Variants in TAFA2 observed in about 807,000 individuals in gnomAD.
TAFA2 encodes the protein chemokine-like protein TAFA-2.
A neutral mutation model predicts 18.8 loss-of-function variants in TAFA2; 7 were observed. That is an observed-to-expected ratio of 0.37 (90% CI 0.21 to 0.70). TAFA2 has a LOEUF of 0.70. Ranked by LOEUF, TAFA2 falls within the 30% of genes least tolerant of loss-of-function variation. The pLI is 0.53. For missense variants in TAFA2, 122 were observed against 158.1 expected (o/e 0.77, Z 1.23); for synonymous variants, 60 against 54.2 (o/e 1.11, Z -0.47).
intron 1 of TAFA2, among the ~76,000 whole-genome samples, chr12:61,969,696 G>A (rs992685213): frequency 6.6e-6 from 1 of 151,520 alleles, no homozygotes; most frequent in East Asian, 1.9e-4. Context: ...TTTTTTTAAA[G>A]TACAAAAATA....
chr12:62,070,152 T>C (rs1168727550), intron 1 of TAFA2, among the ~76,000 whole-genome samples: 1 of 152,206 alleles, frequency 6.6e-6, no homozygotes, highest in Non-Finnish European at 1.5e-5. Context: ...TTGGGGAATT[T>C]GAGGTTAAAA....
chr12:61,888,826 G>A (rs1484703690), intron 1 of TAFA2, among the ~76,000 whole-genome samples: 1 of 152,140 alleles, frequency 6.6e-6, no homozygotes, highest in Non-Finnish European at 1.5e-5. Flanking sequence ...TCCCAGAAAT[G>A]AATACCTGAG....
chr12:61,941,290 A>G (rs1877998490), intron 1 of TAFA2, among the ~76,000 whole-genome samples: 1 of 152,258 alleles, frequency 6.6e-6, no homozygotes, highest in South Asian at 2.1e-4. Context: ...ATATATCATT[A>G]GAATTAATCT....
At chr12:61,872,984 A>G (rs1349976557) in intron 1 of TAFA2, among the ~76,000 whole-genome samples, 1 of 152,182 alleles carries the variant, frequency 6.6e-6, no homozygotes, top group East Asian at 1.9e-4. Flanking sequence ...TCTTCCCATT[A>G]AAATGTAATT....
At chr12:62,036,525 C>A in intron 1 of TAFA2, among the ~76,000 whole-genome samples, 1 of 152,276 alleles carries the variant, frequency 6.6e-6, no homozygotes, top group South Asian at 2.1e-4. Flanking sequence ...TGAAGTTAGA[C>A]TTTAGGGCTT....
chr12:61,963,752 A>G (rs1243465393), intron 1 of TAFA2, among the ~76,000 whole-genome samples: 2 of 152,060 alleles, frequency 1.3e-5, no homozygotes, highest in Non-Finnish European at 2.9e-5. Flanking sequence ...TGAAACCAAA[A>G]GAGAGCCCCT....
At chr12:61,819,998 G>T (rs574947106) in intron 2 of TAFA2, among the ~76,000 whole-genome samples, 1 of 151,956 alleles carries the variant, frequency 6.6e-6, no homozygotes, top group African/African-American at 2.4e-5. Flanking sequence ...TTTGTTAAAC[G>T]TTTAGCTGAT....
chr12:61,827,943 C>T (rs1325189954), intron 2 of TAFA2, among the ~76,000 whole-genome samples: 1 of 151,838 alleles, frequency 6.6e-6, no homozygotes, highest in African/African-American at 2.4e-5. Flanking sequence ...AAAAGATGAT[C>T]CATTTCATCT....
intron 1 of TAFA2, among the ~76,000 whole-genome samples, chr12:61,981,895 A>G (rs1020786411): frequency 1.3e-5 from 2 of 152,154 alleles, no homozygotes; most frequent in African/African-American, 4.8e-5. Flanking sequence ...TTCCTCAAGG[A>G]TCTAGAACCA....
intron 1 of TAFA2, among the ~76,000 whole-genome samples, chr12:62,010,657 C>T (rs1156398284): frequency 7.2e-6 from 1 of 138,230 alleles, no homozygotes; most frequent in East Asian, 2.3e-4. Context: ...GCCGCCCTTA[C>T]TCTGGGAGGT....
chr12:62,248,641 A>G (rs2062897863), intron 1 of TAFA2, among the ~76,000 whole-genome samples: 1 of 152,196 alleles, frequency 6.6e-6, no homozygotes, highest in Non-Finnish European at 1.5e-5. Context: ...TCTAGAGCTT[A>G]TTCATCTTGC....
chr12:61,980,672 C>T (rs545288598), intron 1 of TAFA2, among the ~76,000 whole-genome samples: 6 of 152,192 alleles, frequency 3.9e-5, no homozygotes, highest in East Asian at 3.9e-4. Flanking sequence ...AACAGACAAA[C>T]GGAGAGCCAA....
At chr12:61,859,504 C>T (rs755750333) in intron 2 of TAFA2, among the ~76,000 whole-genome samples, 1 of 152,188 alleles carries the variant, frequency 6.6e-6, no homozygotes, top group South Asian at 2.1e-4. Context: ...AGTGCAGTGG[C>T]GTGATCTCGG....
At chr12:61,892,781 G>C (rs1421410753) in intron 1 of TAFA2, among the ~76,000 whole-genome samples, 3 of 152,212 alleles carry the variant, frequency 2.0e-5, no homozygotes, top group African/African-American at 7.2e-5. Flanking sequence ...AGAGGTTGCA[G>C]TGAGAAAAGA....
chr12:61,811,545 C>A (rs1871869212), intron 2 of TAFA2, among the ~76,000 whole-genome samples: 3 of 151,426 alleles, frequency 2.0e-5, no homozygotes, highest in Admixed American at 6.6e-5. Context: ...ATGACACAAG[C>A]ATATTAAAAT....
chr12:61,747,839 C>T (rs1040175925), intron 4 of TAFA2, among the ~76,000 whole-genome samples: 4 of 149,920 alleles, frequency 2.7e-5, no homozygotes, highest in Non-Finnish European at 4.4e-5. Flanking sequence ...ACATTGTGCA[C>T]ATGTACCCTA....
At chr12:61,902,405 G>C (rs1330697187) in intron 1 of TAFA2, among the ~76,000 whole-genome samples, 1 of 152,196 alleles carries the variant, frequency 6.6e-6, no homozygotes, top group Non-Finnish European at 1.5e-5. Context: ...TCCTGTGCTA[G>C]AGTTAACTTT....
intron 1 of TAFA2, among the ~76,000 whole-genome samples, chr12:62,090,390 T>C (rs1868658627): frequency 6.6e-6 from 1 of 152,078 alleles, no homozygotes; most frequent in South Asian, 2.1e-4. Flanking sequence ...ATCAAAATTA[T>C]ACTGTAAAAT....
At chr12:61,733,637 T>G (rs1868257857) in intron 4 of TAFA2, among the ~76,000 whole-genome samples, 1 of 148,546 alleles carries the variant, frequency 6.7e-6, no homozygotes, top group African/African-American at 2.5e-5. Context: ...TCTATATCTC[T>G]GTTTTGGTAC....
Sources: gnomAD v4.1 joint callset for allele counts (sites outside exome capture counted in the v4.1 genomes callset) on GRCh38, gnomAD v4.1.1 for gene constraint, MANE v1.5 for transcripts, NCBI Gene and HGNC (gene_info 2026-07-23, HGNC 2026-07-21) for gene names.